The following BEND6 variants were observed in gnomAD, a reference collection of about 807,000 sequenced individuals.
BEND6 encodes BEN domain-containing protein 6.
BEND6 carries 24 observed loss-of-function variants against 31.8 expected under a neutral mutation model. That is an observed-to-expected ratio of 0.75 (90% CI 0.55 to 1.06). BEND6 has a LOEUF of 1.06. BEND6 is among the 50% of genes least tolerant of loss of function. BEND6 has a pLI of 0.00. For missense variants in BEND6, 294 were observed against 327.4 expected (o/e 0.90, Z 0.79); for synonymous variants, 109 against 114.6 (o/e 0.95, Z 0.31).
Position 56,967,832 on chromosome 6 carries a change from C to T in BEND6, c.-101+12372C>T, listed in dbSNP as rs193143060. The stretch of plus-strand genomic sequence containing the variant: ...ATTAGCTGCTAAGTTCTGGCTTGAG[C>T]GTGCTTATGGATTACCAACTAGGAG... On this transcript the variant is annotated intron_variant, in intron 1 of 6. Coordinates refer to ENST00000370746, the MANE Select transcript of BEND6 (RefSeq NM_152731.3). Among the ~76,000 whole-genome samples the T allele has an allele frequency of 2.2e-4, 34 of 152,286 alleles. No homozygotes were observed. In the South Asian group the frequency reaches 4.1e-3, roughly 19 times the overall value.
chr6:56,976,305 C>T lies in BEND6; in HGVS notation c.-100-5406C>T, dbSNP rs185906573. Among the ~76,000 whole-genome samples the T allele has an allele frequency of 2.2e-3, 325 of 151,148 alleles. 1 individual carries two copies. Among genetic ancestry groups the T allele is most frequent in the African/African-American group, 7.6e-3 (311 of 41,192 alleles). On this transcript the variant is annotated intron_variant, in intron 1 of 6. Coordinates refer to ENST00000370746, the MANE Select transcript of BEND6 (RefSeq NM_152731.3). ...CTGCCTCCCGGGTTCACGCCATTCT[C>T]CTTCCTCAGCCTCCCGAGTAGCTGG... is the stretch of plus-strand genomic sequence containing the variant.
At chr6:56,998,032 A>G (rs1439902862) in intron 3 of BEND6, among the ~76,000 whole-genome samples, 1 of 152,138 alleles carries the variant, frequency 6.6e-6, no homozygotes, top group Non-Finnish European at 1.5e-5. Context: ...AATTCACTAA[A>G]TTATATAATA....
intron 3 of BEND6, among the ~76,000 whole-genome samples, chr6:57,012,689 T>C (rs1354582218): frequency 6.6e-6 from 1 of 152,170 alleles, no homozygotes; most frequent in Non-Finnish European, 1.5e-5. Flanking sequence ...TACAATGCAA[T>C]GTATACAGCA....
intron 6 of BEND6, among the ~76,000 whole-genome samples, chr6:57,020,426 A>G (rs989849751): frequency 6.6e-6 from 1 of 151,076 alleles, no homozygotes; most frequent in Non-Finnish European, 1.5e-5. Flanking sequence ...TTTCTTTTTT[A>G]TTTTTCATTT....
chr6:56,960,685 C>A (rs1825258010), intron 1 of BEND6, among the ~76,000 whole-genome samples: 1 of 152,108 alleles, frequency 6.6e-6, no homozygotes, highest in African/African-American at 2.4e-5. Context: ...AATATTGTCA[C>A]TAGGAGAGCA....
intron 3 of BEND6, among the ~76,000 whole-genome samples, chr6:57,001,078 G>C (rs1283221402): frequency 6.6e-6 from 1 of 150,972 alleles, no homozygotes; most frequent in Non-Finnish European, 1.5e-5. Context: ...GAGAACACCT[G>C]CTACATCCTA....
rs760598916 is a variant in BEND6 at position 57,017,235 on chromosome 6, G to A, written c.548G>A (p.Arg183His). The change falls in exon 5 of 7, where the codon CGT (arginine) becomes CAT (histidine). Residue 183 changes from arginine to histidine, a missense_variant. Transcript: ENST00000370746. ...QFQIEKWQIA[R>H]CNKSKPQKFI... ...CAGATTGAAAAATGGCAGATTGCCC[G>A]TTGTAACAAGAGCAAGCCTCAGAAG... The A allele has an allele frequency of 2.6e-5, 41 of 1,558,756 alleles. No individual in the cohort carries two copies. In the Middle Eastern group the frequency reaches 5.1e-4, roughly 19 times the overall value.
Position 56,992,545 on chromosome 6 carries a change from C to T in BEND6, c.288C>T (p.Val96=). The T allele has an allele frequency of 6.2e-7, 1 of 1,610,966 alleles. No homozygotes were observed. The highest frequency in any genetic ancestry group is 2.2e-5 in the East Asian group (1 of 44,852). Residue 96 remains valine, a synonymous_variant, in exon 3 of 7, where the codon GTC becomes GTT. Transcript: ENST00000370746. ...KENSRLRQSL[V]MLQVLPQAVT... ...ACAGCCGACTTCGACAGTCTTTGGT[C>T]ATGCTTCAAGGTAAACTTTGAGAAA...
rs752643130 is a variant in BEND6, at chr6:57,015,352, A to G, written c.518A>G (p.Gln173Arg). 2.2e-5 allele frequency: 36 copies of G among 1,610,666 alleles called. No individual in the cohort carries two copies. In the South Asian group the frequency reaches 3.7e-4, roughly 17 times the overall value. Residue 173 changes from glutamine to arginine, a missense_variant and splice_region_variant, in exon 4 of 7, where the codon CAG becomes CGG. Coordinates refer to ENST00000370746, the MANE Select transcript of BEND6 (RefSeq NM_152731.3). Reference protein sequence around the residue: ...PEEEHQTDEKQFQIEKWQIAR... With the variant: ...PEEEHQTDEKRFQIEKWQIAR... Reference sequence around the variant, plus strand: ...GAAGAGCATCAGACTGATGAGAAACAGGTCAGTTGTAATACCCGCCTTATT... The same window carrying G: ...GAAGAGCATCAGACTGATGAGAAACGGGTCAGTTGTAATACCCGCCTTATT...
intron 2 of BEND6, among the ~76,000 whole-genome samples, chr6:56,991,340 TATACAA>T (rs1176529643): frequency 6.6e-6 from 1 of 152,036 alleles, no homozygotes; most frequent in East Asian, 1.9e-4. Flanking sequence ...CAAGAGAATC[TATACAA>T]ATTTACTTTC....
chr6:56,973,095 A>G (rs75004785), intron 1 of BEND6, among the ~76,000 whole-genome samples: 2 of 152,326 alleles, frequency 1.3e-5, no homozygotes, highest in East Asian at 3.9e-4. Flanking sequence ...ACATAAAACC[A>G]TAAAGGAGAC....
chr6:57,011,715 C>CA (rs770049459), intron 3 of BEND6, among the ~76,000 whole-genome samples: 3,006 of 33,834 alleles, frequency 0.089, 214 homozygotes, highest in African/African-American at 0.21. Context: ...GGCCCTGTCT[C>CA]AAAAAAAAAA....
chr6:56,968,278 A>G (rs1825555842), intron 1 of BEND6, among the ~76,000 whole-genome samples: 1 of 148,668 alleles, frequency 6.7e-6, no homozygotes, highest in Middle Eastern at 3.5e-3. Context: ...CTCAAGCATA[A>G]TGCTTCTTTT....
intron 1 of BEND6, among the ~76,000 whole-genome samples, chr6:56,968,773 T>A (rs924611488): frequency 1.3e-5 from 2 of 152,142 alleles, no homozygotes; most frequent in Non-Finnish European, 2.9e-5. Context: ...AATATTTATG[T>A]CATTTGAAAA....
At chr6:56,956,409 A>G (rs1824988161) in intron 1 of BEND6, among the ~76,000 whole-genome samples, 1 of 152,214 alleles carries the variant, frequency 6.6e-6, no homozygotes, top group Non-Finnish European at 1.5e-5. Flanking sequence ...AAGCTTAATC[A>G]TTGATGTCCT....
rs1211522744 is a variant in BEND6 at position 57,026,606 on chromosome 6, A to C, written c.*534A>C. ...AAAGTCAGCCCAAAATCTGATAATC[A>C]TGTCTAACCAAGTAATAATGTTTTA... On this transcript the variant is annotated 3_prime_UTR_variant, in exon 7 of 7. Transcript: ENST00000370746. 1 of 152,240 alleles carries C rather than the reference A, an allele frequency of 6.6e-6. No homozygotes were observed. Among genetic ancestry groups the C allele is most frequent in the African/African-American group, 2.4e-5 (1 of 41,468 alleles). 9.4% of individuals were successfully genotyped at this position (152,240 alleles called of 1,614,324 possible). A position where few individuals can be genotyped will look rare whatever the true frequency, so the allele number is the denominator to read the frequency against.
intron 3 of BEND6, among the ~76,000 whole-genome samples, chr6:56,998,392 ATGTGTG>A (rs1046939188): frequency 3.9e-5 from 6 of 151,996 alleles, no homozygotes; most frequent in Non-Finnish European, 8.8e-5. Context: ...TGTGTGTGCT[ATGTGTG>A]TGTGTGTTAA....
chr6:56,981,264 A>G (rs570298326), intron 1 of BEND6, among the ~76,000 whole-genome samples: 29 of 152,148 alleles, frequency 1.9e-4, no homozygotes, highest in African/African-American at 6.3e-4. Context: ...CTTTTAGGGG[A>G]AAAAAAACCT....
rs148463615 is a variant in BEND6 at position 57,007,737 on chromosome 6, A to T, written c.299-7396A>T. Among the ~76,000 whole-genome samples, 59 of 152,150 alleles carry T rather than the reference A, an allele frequency of 3.9e-4. 1 individual carries two copies. The East Asian group carries it at 0.011, about 28-fold the overall frequency. ...TTGGGTCCAGGAGTTTGGGAAGTTT[A>T]CAGTGCGCTGTGATCATGCCACTTT... On this transcript the variant is annotated intron_variant, in intron 3 of 6. Transcript: ENST00000370746.
Sources: allele counts gnomAD v4.1 joint callset (sites outside exome capture counted in the v4.1 genomes callset), GRCh38; gene constraint gnomAD v4.1.1; transcripts MANE v1.5; gene names NCBI Gene and HGNC (gene_info 2026-07-23, HGNC 2026-07-21).